Variants in SENP7 observed in about 807,000 individuals in gnomAD.
The protein encoded by SENP7 is SUMO specific peptidase 7, also known as sentrin-specific protease 7.
In SENP7, 64 loss-of-function variants were observed where a neutral mutation model predicts 141.2. The ratio of observed to expected loss-of-function variants is 0.45; its 90% CI spans 0.37 to 0.56. The LOEUF is 0.56. SENP7 is among the 20% of genes least tolerant of loss of function. The probability of loss-of-function intolerance (pLI) is 0.00; values close to 1 mark genes in which losing one functional copy is unlikely to be tolerated. For synonymous variants in SENP7, 382 were observed against 426.4 expected, an observed-to-expected ratio of 0.90 and a Z score of 1.28; for missense variants, 1,025 against 1,212.2, an observed-to-expected ratio of 0.85 and a Z score of 2.29.
intron 7 of SENP7, among the ~76,000 whole-genome samples, chr3:101,368,580 TG>T (rs1246919417): frequency 2.1e-5 from 1 of 47,382 alleles, no homozygotes; most frequent in African/African-American, 8.9e-5. Context: ...TGTTGTAGGG[TG>T]GGGGGTGGGG....
chr3:101,423,733 G>A (rs1326612109), intron 4 of SENP7, among the ~76,000 whole-genome samples: 3 of 152,114 alleles, frequency 2.0e-5, no homozygotes, highest in Non-Finnish European at 4.4e-5. Context: ...GAGGAAGGTG[G>A]GAACCTTGCA....
chr3:101,420,606 A>C (rs945968405), intron 4 of SENP7, among the ~76,000 whole-genome samples: 3 of 152,220 alleles, frequency 2.0e-5, no homozygotes, highest in Non-Finnish European at 4.4e-5. Context: ...TTTACAATGA[A>C]CAGATCTGGC....
In SENP7 at chr3:101,332,110, C is replaced by CTGTTGAAAAAGAACTACAA; in HGVS notation, c.2574-20_2574-2dup. On this transcript the variant is annotated splice_acceptor_variant, in intron 18 of 23. Transcript: ENST00000394095. LOFTEE classifies it high-confidence loss of function. ...AATGACTGCGAGATACCAGTGAGAC[C>CTGTTGAAAAAGAACTACAA]TGTTGAAAAAGAACTACAATCTTAA... 1 of 1,612,598 alleles carries CTGTTGAAAAAGAACTACAA rather than the reference C, an allele frequency of 6.2e-7. No individual in the cohort carries two copies. The highest frequency in any genetic ancestry group is 8.5e-7 in the Non-Finnish European group (1 of 1,179,188).
chr3:101,384,779 C>A (rs2553425), intron 6 of SENP7, among the ~76,000 whole-genome samples: 1 of 152,002 alleles, frequency 6.6e-6, no homozygotes. Context: ...AAAACTCAGG[C>A]AAAGAGGTCA....
chr3:101,462,541 C>CAA (rs77403601), intron 3 of SENP7, among the ~76,000 whole-genome samples: 18 of 123,212 alleles, frequency 1.5e-4, no homozygotes, highest in African/African-American at 5.1e-4. Flanking sequence ...AACTCTGTCT[C>CAA]AAAAAAAAAA....
At position 101,343,850 on chromosome 3, in the gene SENP7, C is replaced by G; in HGVS notation, c.1942G>C (p.Glu648Gln). Residue 648 changes from glutamate (E) to glutamine (Q), a missense_variant, in exon 14 of 24, where the codon GAA (glutamate) becomes CAA (glutamine). By Grantham distance (29) the Glu-to-Gln change is conservative (BLOSUM62 2). Transcript: ENST00000394095. ...IMTEISIISGELELSYPLSWV... is the reference protein window; with the variant it reads ...IMTEISIISGQLELSYPLSWV... ...GACAACGGGTAAGAAAGCTCTAATT[C>G]TCCACTGATTATACTTATTTCCGTC... 1 of 1,613,764 alleles carries G rather than the reference C, an allele frequency of 6.2e-7. No homozygotes were observed. Among genetic ancestry groups the G allele is most frequent in the African/African-American group, 1.3e-5 (1 of 75,024 alleles).
intron 6 of SENP7, among the ~76,000 whole-genome samples, chr3:101,394,147 T>A (rs1042340524): frequency 2.0e-5 from 3 of 152,194 alleles, no homozygotes; most frequent in Admixed American, 6.5e-5. Flanking sequence ...AATTCTACTC[T>A]CTGCCTCTAT....
At chr3:101,459,132 A>G in intron 3 of SENP7, 80 bp from the exon 4 acceptor site, 1 of 752,690 alleles carries the variant, frequency 1.3e-6, no homozygotes, top group Non-Finnish European at 2.1e-6. Flanking sequence ...TTTTATTTGG[A>G]AATTTGTTAT....
At chr3:101,467,924 T>A (rs1222932143) in intron 3 of SENP7, among the ~76,000 whole-genome samples, 1 of 152,176 alleles carries the variant, frequency 6.6e-6, no homozygotes, top group African/African-American at 2.4e-5. Context: ...TAAAGAAGGA[T>A]GTTTGAACCC....
chr3:101,482,206 G>A (rs1195889336), intron 3 of SENP7, among the ~76,000 whole-genome samples: 9 of 151,760 alleles, frequency 5.9e-5, no homozygotes, highest in Non-Finnish European at 1.0e-4. Flanking sequence ...CCAACTACTC[G>A]GGAGGCTGAG....
chr3:101,408,064 T>G (rs1333535535), intron 5 of SENP7, among the ~76,000 whole-genome samples: 2 of 150,708 alleles, frequency 1.3e-5, no homozygotes, highest in African/African-American at 4.9e-5. Flanking sequence ...GGAGAGAAAA[T>G]CCAAATAAGC....
chr3:101,441,916 A>C (rs2062690374), intron 4 of SENP7, among the ~76,000 whole-genome samples: 1 of 152,260 alleles, frequency 6.6e-6, no homozygotes, highest in Non-Finnish European at 1.5e-5. Flanking sequence ...AGCATAAGAC[A>C]ATAAGGACCT....
rs1006300734 is a variant in SENP7, at chr3:101,457,130, A to C, written c.284+1825T>G. The C allele has an allele frequency of 6.7e-5, 50 of 746,546 alleles. No individual in the cohort carries two copies. The Middle Eastern group carries it at 1.1e-3, about 17-fold the overall frequency. The allele number at this position is 746,546 out of a possible 1,614,324, so 46.2% of individuals were successfully genotyped here. A position where few individuals can be genotyped will look rare whatever the true frequency, so the allele number is the denominator to read the frequency against. On this transcript the variant is annotated intron_variant, in intron 4 of 23. Transcript: ENST00000394095. Reference sequence around the variant, plus strand: ...AAGGGCTTGGGCTTAAAAATATTAGAGATCTAGATTTTATCAGATCCATAA... The same window carrying C: ...AAGGGCTTGGGCTTAAAAATATTAGCGATCTAGATTTTATCAGATCCATAA...
intron 6 of SENP7, among the ~76,000 whole-genome samples, chr3:101,382,055 TGCAATTTAAAATA>T (rs2060517366): frequency 1.3e-5 from 2 of 152,230 alleles, no homozygotes; most frequent in Admixed American, 1.3e-4. Context: ...ATTAGAGTCT[TGCAATTTAAAATA>T]GCAATTTGAT....
chr3:101,371,179 C>T (rs1161648563), intron 7 of SENP7, among the ~76,000 whole-genome samples: 1 of 151,978 alleles, frequency 6.6e-6, no homozygotes, highest in Non-Finnish European at 1.5e-5. Flanking sequence ...GTCTCAACTA[C>T]TCGGGAGGCT....
intron 3 of SENP7, among the ~76,000 whole-genome samples, chr3:101,468,668 C>T (rs922312011): frequency 1.9e-4 from 29 of 152,192 alleles, no homozygotes; most frequent in African/African-American, 6.5e-4. Flanking sequence ...TGAGAGATTT[C>T]GTCACTACCA....
At chr3:101,485,752 C>T (rs1199871438) in intron 3 of SENP7, among the ~76,000 whole-genome samples, 1 of 152,050 alleles carries the variant, frequency 6.6e-6, no homozygotes, top group Non-Finnish European at 1.5e-5. Context: ...TGGATCCAAA[C>T]CCAGAAGAAA....
chr3:101,481,076 C>CCAA (rs1390887538), intron 3 of SENP7, among the ~76,000 whole-genome samples: 2 of 127,256 alleles, frequency 1.6e-5, no homozygotes, highest in African/African-American at 5.9e-5. Flanking sequence ...GAGATTTCCC[C>CCAA]AAAAAAAAAA....
rs541519457 is a variant in SENP7, at chr3:101,368,019, A to G, written c.797-8T>C. 5.0e-6 allele frequency: 8 copies of G among 1,593,126 alleles called. No homozygotes were observed. Among genetic ancestry groups the G allele is most frequent in the Non-Finnish European group, 6.0e-6 (7 of 1,172,388 alleles). ...TACTTCCACTGTTAAGGTCTTAAAA[A>G]ACAAATGAAGCATAAATATGGACAA... On this transcript the variant is annotated splice_polypyrimidine_tract_variant and splice_region_variant and intron_variant, in intron 7 of 23. Coordinates refer to ENST00000394095, the MANE Select transcript of SENP7 (RefSeq NM_020654.5).
Sources: gnomAD v4.1 joint callset for allele counts (sites outside exome capture counted in the v4.1 genomes callset) on GRCh38, gnomAD v4.1.1 for gene constraint, MANE v1.5 for transcripts, NCBI Gene and HGNC (gene_info 2026-07-23, HGNC 2026-07-21) for gene names.